Variants in USP12 observed in about 807,000 individuals in gnomAD.
The protein encoded by USP12 is ubiquitin carboxyl-terminal hydrolase 12.
USP12 carries 19 observed loss-of-function variants against 45.5 expected under a neutral mutation model. The observed-to-expected ratio is 0.42, with a 90% CI of 0.29 to 0.61. The LOEUF (loss-of-function observed/expected upper bound fraction) is 0.61. USP12 is among the 20% of genes least tolerant of loss of function. The pLI, the probability that USP12 is intolerant of heterozygous loss-of-function variation, is 0.22. For synonymous variants in USP12, 149 were observed against 148.8 expected (o/e 1.00, Z -0.01); for missense variants, 242 against 447.7 (o/e 0.54, Z 4.15).
intron 1 of USP12, among the ~76,000 whole-genome samples, chr13:27,143,263 A>C (rs1877154653): frequency 6.6e-6 from 1 of 152,188 alleles, no homozygotes; most frequent in Admixed American, 6.5e-5. Flanking sequence ...TGACACAAAA[A>C]AGAAGTAGGA....
rs1262138239 is a variant in USP12 at position 27,067,744 on chromosome 13, T to A, written c.*1539A>T. On this transcript the variant is annotated 3_prime_UTR_variant, in exon 9 of 9. Transcript: ENST00000282344. ...GGACTTTAGAAAATGACAATTTTTT[T>A]TAAATTTACTGCCTGAAAAGAGTTT... 1.3e-5 allele frequency: 2 copies of A among 152,200 alleles called. No individual in the cohort carries two copies. Among genetic ancestry groups the A allele is most frequent in the African/African-American group, 4.8e-5 (2 of 41,466 alleles). 9.4% of individuals were successfully genotyped at this position (152,200 alleles called of 1,614,324 possible). A position where few individuals can be genotyped will look rare whatever the true frequency, so the allele number is the denominator to read the frequency against.
intron 2 of USP12, among the ~76,000 whole-genome samples, chr13:27,109,611 A>T (rs991227532): frequency 6.6e-6 from 1 of 152,180 alleles, no homozygotes; most frequent in Admixed American, 6.5e-5. Context: ...CCTGATTTAC[A>T]AACCAACTAT....
intron 3 of USP12, among the ~76,000 whole-genome samples, chr13:27,104,756 T>C (rs1875047864): frequency 6.6e-6 from 1 of 152,236 alleles, no homozygotes; most frequent in African/African-American, 2.4e-5. Flanking sequence ...CTGTGTACAG[T>C]GTCAACTGAC....
At chr13:27,086,520 G>A (rs540674816) in intron 6 of USP12, among the ~76,000 whole-genome samples, 30 of 151,670 alleles carry the variant, frequency 2.0e-4, no homozygotes, top group African/African-American at 6.3e-4. Context: ...ACATTTATCC[G>A]TATTTTCTAA....
At chr13:27,160,951 C>T (rs1878079438) in intron 1 of USP12, among the ~76,000 whole-genome samples, 1 of 152,078 alleles carries the variant, frequency 6.6e-6, no homozygotes, top group African/African-American at 2.4e-5. Flanking sequence ...TCCCTCCCGC[C>T]ATCCTCCCCA....
In USP12 at chr13:27,069,719, G is replaced by A. The variant is rs143980932; in HGVS notation, c.1012-335C>T. On this transcript the variant is annotated intron_variant, in intron 8 of 8. Coordinates refer to ENST00000282344, the MANE Select transcript of USP12 (RefSeq NM_182488.4). ...TCCCAGTACTGTGGGAGGCCAAGGC[G>A]GGCAGATCACCTGGGGTCAGAAGTT... Among the ~76,000 whole-genome samples, 583 of 152,294 alleles carry A rather than the reference G, an allele frequency of 3.8e-3. 1 individual carries two copies. Among genetic ancestry groups the A allele is most frequent in the Non-Finnish European group, 6.2e-3 (420 of 68,032 alleles).
intron 1 of USP12, among the ~76,000 whole-genome samples, chr13:27,135,204 T>C (rs1274524286): frequency 6.6e-6 from 1 of 152,082 alleles, no homozygotes; most frequent in Non-Finnish European, 1.5e-5. Context: ...GAAAAATCAA[T>C]AGCTGAAGGC....
At chr13:27,159,652 C>T (rs1421796814) in intron 1 of USP12, among the ~76,000 whole-genome samples, 6 of 152,334 alleles carry the variant, frequency 3.9e-5, no homozygotes, top group African/African-American at 1.4e-4. Context: ...AACTTTCCTA[C>T]ACCTTTATTT....
chr13:27,096,674 C>G (rs1257368888), intron 3 of USP12, among the ~76,000 whole-genome samples: 1 of 152,122 alleles, frequency 6.6e-6, no homozygotes, highest in Non-Finnish European at 1.5e-5. Flanking sequence ...AATGGCAGAG[C>G]CAGGATTCAA....
chr13:27,137,620 G>T (rs999891414), intron 1 of USP12, among the ~76,000 whole-genome samples: 12 of 152,180 alleles, frequency 7.9e-5, no homozygotes, highest in African/African-American at 2.9e-4. Flanking sequence ...ACTTCTCACT[G>T]ATAAGCTATT....
At chr13:27,134,407 T>C (rs1011080579) in intron 1 of USP12, among the ~76,000 whole-genome samples, 9 of 152,076 alleles carry the variant, frequency 5.9e-5, no homozygotes, top group African/African-American at 2.2e-4. Flanking sequence ...AGTCAGCAAC[T>C]GAGAGGGTGG....
intron 4 of USP12, among the ~76,000 whole-genome samples, chr13:27,092,383 G>A (rs1874359519): frequency 6.6e-6 from 1 of 152,104 alleles, no homozygotes. Flanking sequence ...AAGTTTACAT[G>A]GAGAGGCAAA....
At chr13:27,147,019 G>A (rs1245031855) in intron 1 of USP12, among the ~76,000 whole-genome samples, 1 of 152,172 alleles carries the variant, frequency 6.6e-6, no homozygotes, top group Non-Finnish European at 1.5e-5. Context: ...AGAGAAGCCT[G>A]GGGCAGATCC....
intron 6 of USP12, among the ~76,000 whole-genome samples, chr13:27,079,692 T>C (rs1873660536): frequency 6.6e-6 from 1 of 152,234 alleles, no homozygotes; most frequent in East Asian, 1.9e-4. Context: ...TTATAAATTG[T>C]GTGAGCCAGA....
chr13:27,170,571 G>A (rs1213429626), intron 1 of USP12, among the ~76,000 whole-genome samples: 1 of 152,220 alleles, frequency 6.6e-6, no homozygotes, highest in Non-Finnish European at 1.5e-5. Flanking sequence ...CTCATCATGT[G>A]GAAAACTGTG....
At chr13:27,145,793 TGAAAA>T (rs1285141183) in intron 1 of USP12, among the ~76,000 whole-genome samples, 3 of 151,826 alleles carry the variant, frequency 2.0e-5, no homozygotes, top group African/African-American at 4.8e-5. Context: ...TGAGAAACAA[TGAAAA>T]GAAATGTGTC....
At chr13:27,089,158 G>A (rs1874201504) in intron 6 of USP12, among the ~76,000 whole-genome samples, 1 of 152,186 alleles carries the variant, frequency 6.6e-6, no homozygotes, top group African/African-American at 2.4e-5. Context: ...ATTCTGGACA[G>A]AATCCTTCTT....
Position 27,069,233 on chromosome 13 carries a change from T to C in USP12, c.*50A>G. 6.7e-7 allele frequency: 1 copy of C among 1,495,144 alleles called. No individual in the cohort carries two copies. Among genetic ancestry groups the C allele is most frequent in the Non-Finnish European group, 9.3e-7 (1 of 1,075,682 alleles). 92.6% of individuals were successfully genotyped at this position (1,495,144 alleles called of 1,614,324 possible). A position where few individuals can be genotyped will look rare whatever the true frequency, so the allele number is the denominator to read the frequency against. Reference sequence around the variant, plus strand: ...AATCAGTGCTTGATCCTTTCCAAAATAACCAGAGAAGAAATGAGGCAGAAA... The same window carrying C: ...AATCAGTGCTTGATCCTTTCCAAAACAACCAGAGAAGAAATGAGGCAGAAA... On this transcript the variant is annotated 3_prime_UTR_variant, in exon 9 of 9. Transcript: ENST00000282344.
chr13:27,121,275 G>C (rs1402682453), intron 1 of USP12, among the ~76,000 whole-genome samples: 4 of 150,832 alleles, frequency 2.7e-5, no homozygotes. Context: ...GTAAAAGTCT[G>C]TGACCCAAAT....
Sources: allele counts gnomAD v4.1 joint callset (sites outside exome capture counted in the v4.1 genomes callset), GRCh38; gene constraint gnomAD v4.1.1; transcripts MANE v1.5; gene names NCBI Gene and HGNC (gene_info 2026-07-23, HGNC 2026-07-21).